TRAK1: variants seen among roughly 807,000 people sequenced by gnomAD.
TRAK1 encodes the protein trafficking kinesin protein 1, also known as trafficking kinesin-binding protein 1.
A neutral mutation model predicts 92.1 loss-of-function variants in TRAK1; 33 were observed. The observed-to-expected ratio is 0.36, with a 90% CI of 0.27 to 0.48. TRAK1 has a LOEUF of 0.48. Among genes scored for constraint, TRAK1 ranks in the 20% least tolerant of loss-of-function variants. The pLI, the probability that TRAK1 is intolerant of heterozygous loss-of-function variation, is 0.99. For missense variants in TRAK1, 1,123 were observed against 1,257.9 expected (o/e 0.89, Z 1.62); for synonymous variants, 521 against 517.3 (o/e 1.01, Z -0.10).
chr3:42,013,548 G>A (rs1701389180), upstream of TRAK1, among the ~76,000 whole-genome samples: 1 of 151,044 alleles, frequency 6.6e-6, no homozygotes, highest in African/African-American at 2.4e-5. This position sits in a 1 kb window ranked among gnomAD's most constrained non-coding sequence, Gnocchi z 5.1. Context: ...CGGCCCGCAG[G>A]TGGCGGCGCG....
At chr3:42,139,385 C>G (rs1482918825) in intron 2 of TRAK1, among the ~76,000 whole-genome samples, 1 of 152,204 alleles carries the variant, frequency 6.6e-6, no homozygotes, top group African/African-American at 2.4e-5. Flanking sequence ...GGAGCACAGT[C>G]ACTTTCTCTA....
At chr3:42,106,282 G>GTGC (rs1707556548) in intron 1 of TRAK1, among the ~76,000 whole-genome samples, 1 of 152,082 alleles carries the variant, frequency 6.6e-6, no homozygotes. Context: ...CCCATCTCAC[G>GTGC]TGCAGAGACA....
chr3:42,092,726 A>G (rs374739739), intron 1 of TRAK1, among the ~76,000 whole-genome samples: 47 of 114,330 alleles, frequency 4.1e-4, no homozygotes, highest in African/African-American at 1.2e-3. Flanking sequence ...ATGTTATGTT[A>G]TGTTATGTTA....
intron 1 of TRAK1, among the ~76,000 whole-genome samples, chr3:42,057,989 A>C (rs576703389): frequency 1.2e-3 from 180 of 152,312 alleles, no homozygotes; most frequent in Non-Finnish European, 2.2e-3. Flanking sequence ...GCTGAACTCA[A>C]ATATCATTTC....
intron 1 of TRAK1, among the ~76,000 whole-genome samples, chr3:42,022,546 A>T (rs1407419712): frequency 6.6e-6 from 1 of 151,726 alleles, no homozygotes; most frequent in East Asian, 1.9e-4. Context: ...ATATGGTGAA[A>T]CCCCATCTCT....
chr3:42,189,461 T>C (rs144959180), intron 6 of TRAK1, among the ~76,000 whole-genome samples: 129 of 152,366 alleles, frequency 8.5e-4, no homozygotes, highest in African/African-American at 3.0e-3. Flanking sequence ...CCAGCCTTGT[T>C]TTCATGCTGC....
chr3:42,095,201 G>A (rs1705723318), intron 1 of TRAK1, among the ~76,000 whole-genome samples: 1 of 152,186 alleles, frequency 6.6e-6, no homozygotes. Context: ...TGCCTGGCAG[G>A]TTTCCAAGTG....
At chr3:42,112,683 C>T (rs1163128968) in intron 1 of TRAK1, among the ~76,000 whole-genome samples, 2 of 143,236 alleles carry the variant, frequency 1.4e-5, no homozygotes, top group Admixed American at 7.1e-5. Context: ...TGCAGTTAGG[C>T]CAAGATTATG....
rs1314161106 is a variant in TRAK1, at chr3:42,208,942, GC to G, written c.1745-824del. On this transcript the variant is annotated intron_variant, in intron 13 of 15. Transcript: ENST00000327628. ...AAAACACTTAACTCAAGTTTCCTGAGCATGCTTGGCCTAGGAACACTTCTCT... is the reference window on the plus strand; with the variant it reads ...AAAACACTTAACTCAAGTTTCCTGAGATGCTTGGCCTAGGAACACTTCTCT... Among the ~76,000 whole-genome samples the G allele has an allele frequency of 2.0e-5, 3 of 152,324 alleles. No homozygotes were observed. The East Asian group carries it at 5.8e-4, about 29-fold the overall frequency.
At chr3:42,082,032 G>T (rs1001959636) in intron 1 of TRAK1, among the ~76,000 whole-genome samples, 6 of 152,188 alleles carry the variant, frequency 3.9e-5, no homozygotes, top group Admixed American at 3.3e-4. Flanking sequence ...ACTGTGGCTT[G>T]TGTTTCCCTT....
chr3:42,036,686 A>T lies in TRAK1; in HGVS notation c.-519+22569A>T, dbSNP rs560328168. 2.0e-5 allele frequency among the ~76,000 whole-genome samples: 3 copies of T among 152,292 alleles called. No homozygotes were observed. In the South Asian group the frequency reaches 6.2e-4, roughly 32 times the overall value. On this transcript the variant is annotated intron_variant, in intron 1 of 16. Transcript: ENST00000487159. ...GTGTTTCTAGTCCTAAGAGTTACAGACTTCCTAGGCTTGACTCTGTAACAG... is the reference window on the plus strand; with the variant it reads ...GTGTTTCTAGTCCTAAGAGTTACAGTCTTCCTAGGCTTGACTCTGTAACAG...
chr3:42,162,704 T>G (rs1249910791), intron 2 of TRAK1, among the ~76,000 whole-genome samples: 1 of 152,182 alleles, frequency 6.6e-6, no homozygotes, highest in African/African-American at 2.4e-5. Flanking sequence ...CAATCCTGCC[T>G]TTTGTTCTAC....
At chr3:42,060,247 A>G (rs187225538) in intron 1 of TRAK1, among the ~76,000 whole-genome samples, 24 of 152,000 alleles carry the variant, frequency 1.6e-4, no homozygotes, top group African/African-American at 5.8e-4. Flanking sequence ...AATAGCTTCT[A>G]AGAAGAAAAA....
rs1404971032 is a variant in TRAK1, at chr3:42,187,986, T to C, written c.481-59T>C. On this transcript the variant is annotated intron_variant, in intron 4 of 15. Transcript: ENST00000327628. ...TAAGTGTTAAGTGTTGGAATGTGAG[T>C]CGGGGGGGACAGTATCACCTTTTGG... is the stretch of plus-strand genomic sequence containing the variant. 6 of 1,423,656 alleles carry C rather than the reference T, an allele frequency of 4.2e-6. No homozygotes were observed. In the East Asian group the frequency reaches 1.4e-4, roughly 32 times the overall value. The allele number at this position is 1,423,656 out of a possible 1,614,324, so 88.2% of individuals were successfully genotyped here.
chr3:42,162,619 AG>A (rs976109713), intron 2 of TRAK1, among the ~76,000 whole-genome samples: 11 of 152,218 alleles, frequency 7.2e-5, no homozygotes. Context: ...GCTGTACATA[AG>A]GTAAATATGC....
At chr3:42,214,651 C>T (rs946139798) in intron 14 of TRAK1, among the ~76,000 whole-genome samples, 1 of 152,156 alleles carries the variant, frequency 6.6e-6, no homozygotes, top group South Asian at 2.1e-4. Flanking sequence ...GAAGAAGAGT[C>T]GACTTTTAAT....
chr3:42,154,732 T>C (rs1164282373), intron 2 of TRAK1, among the ~76,000 whole-genome samples: 1 of 152,164 alleles, frequency 6.6e-6, no homozygotes, highest in Non-Finnish European at 1.5e-5. Flanking sequence ...TGCCCAGCCT[T>C]ATTTGTTTAT....
In TRAK1 at chr3:42,224,815, C is replaced by G. The variant is rs1710653426; in HGVS notation, c.*1078C>G. On this transcript the variant is annotated 3_prime_UTR_variant, in exon 16 of 16. Coordinates refer to ENST00000327628, the MANE Select transcript of TRAK1 (RefSeq NM_001042646.3). ...CTTTGGTATTCCGCTGGCTCCAGCG[C>G]TTTTTCTGAAACCCGAGGCTGGCCA... The G allele has an allele frequency of 6.6e-6, 1 of 152,248 alleles. No individual in the cohort carries two copies. Among genetic ancestry groups the G allele is most frequent in the African/African-American group, 2.4e-5 (1 of 41,460 alleles). 9.4% of individuals were successfully genotyped at this position (152,248 alleles called of 1,614,324 possible). A position where few individuals can be genotyped will look rare whatever the true frequency, so the allele number is the denominator to read the frequency against.
At chr3:42,188,541 G>A (rs1386470182) in intron 5 of TRAK1, among the ~76,000 whole-genome samples, 1 of 151,884 alleles carries the variant, frequency 6.6e-6, no homozygotes, top group Non-Finnish European at 1.5e-5. Flanking sequence ...TTGGGAGCAT[G>A]AACTCCAGAG....
Sources: gnomAD v4.1 joint callset for allele counts (sites outside exome capture counted in the v4.1 genomes callset) on GRCh38, gnomAD v4.1.1 for gene constraint, Gnocchi (gnomAD v3.1) non-coding constraint, MANE v1.5 for transcripts, NCBI Gene and HGNC (gene_info 2026-07-23, HGNC 2026-07-21) for gene names.